NCALD: variants seen among roughly 807,000 people sequenced by gnomAD.
The protein encoded by NCALD is neurocalcin delta.
In NCALD, 10 loss-of-function variants were observed where a neutral mutation model predicts 18.6. The ratio of observed to expected loss-of-function variants is 0.54; its 90% CI spans 0.33 to 0.91. The LOEUF (loss-of-function observed/expected upper bound fraction) is 0.91. Among genes scored for constraint, NCALD ranks in the 40% least tolerant of loss-of-function variants. The pLI is 0.03. For synonymous variants in NCALD, 88 were observed against 87.4 expected, an observed-to-expected ratio of 1.01 and a Z score of -0.04; for missense variants, 184 against 247.6, an observed-to-expected ratio of 0.74 and a Z score of 1.72.
intron 1 of NCALD, among the ~76,000 whole-genome samples, chr8:102,071,924 C>G (rs1488192632): frequency 1.3e-5 from 2 of 152,026 alleles, no homozygotes; most frequent in Non-Finnish European, 2.9e-5. Context: ...CAACACAGTC[C>G]CAGTCAAAAC....
At chr8:101,935,783 CTTTTTT>C (rs35929551) in intron 2 of NCALD, among the ~76,000 whole-genome samples, 4 of 103,478 alleles carry the variant, frequency 3.9e-5, no homozygotes, top group Non-Finnish European at 6.1e-5. Flanking sequence ...TCAAGAGATT[CTTTTTT>C]TTTTTTTTTT....
At chr8:101,710,841 C>T (rs993754005) in intron 2 of NCALD, among the ~76,000 whole-genome samples, 1 of 152,244 alleles carries the variant, frequency 6.6e-6, no homozygotes, top group African/African-American at 2.4e-5. Context: ...GGTGCAGCTT[C>T]AGCAGACTTA....
chr8:102,049,175 C>T (rs1352385299), intron 1 of NCALD, among the ~76,000 whole-genome samples: 1 of 152,092 alleles, frequency 6.6e-6, no homozygotes, highest in Non-Finnish European at 1.5e-5. Flanking sequence ...TCCATAGGTC[C>T]GCATCTGCAG....
intron 1 of NCALD, among the ~76,000 whole-genome samples, chr8:101,760,866 A>G (rs1025495551): frequency 2.0e-5 from 3 of 152,168 alleles, no homozygotes; most frequent in Non-Finnish European, 4.4e-5. Flanking sequence ...CAAAGGCATC[A>G]TAGAGATAAA....
At position 101,917,522 on chromosome 8, in the gene NCALD, C is replaced by T. The variant is rs190793367; in HGVS notation, c.-156-1664G>A. Among the ~76,000 whole-genome samples the T allele has an allele frequency of 9.0e-4, 137 of 151,584 alleles. 1 individual carries two copies. Among genetic ancestry groups the T allele is most frequent in the African/African-American group, 3.1e-3 (127 of 41,402 alleles). On this transcript the variant is annotated intron_variant, in intron 2 of 6. Transcript: ENST00000311028. ...CAAAGTTGAGACCCAAAAATTCATA[C>T]GAAGAAGCAACAAAACTAAAAGTTG...
chr8:101,768,736 AG>A (rs1811460079), intron 1 of NCALD, among the ~76,000 whole-genome samples: 2 of 150,378 alleles, frequency 1.3e-5, no homozygotes, highest in African/African-American at 4.9e-5. Context: ...AAAAAAAAAA[AG>A]AAAGAAAGCA....
intron 1 of NCALD, among the ~76,000 whole-genome samples, chr8:102,047,432 T>C (rs1823285689): frequency 6.6e-6 from 1 of 152,156 alleles, no homozygotes; most frequent in Non-Finnish European, 1.5e-5. Context: ...GATGAAAAGG[T>C]TCTATATTTT....
chr8:102,005,174 A>T (rs1821650931), intron 2 of NCALD, among the ~76,000 whole-genome samples: 1 of 152,236 alleles, frequency 6.6e-6, no homozygotes, highest in Non-Finnish European at 1.5e-5. Context: ...GAACTCAAAC[A>T]AATTTACAAG....
chr8:101,831,982 G>C (rs1193883348), intron 4 of NCALD, among the ~76,000 whole-genome samples: 6 of 152,126 alleles, frequency 3.9e-5, no homozygotes, highest in Admixed American at 3.9e-4. Context: ...TTTGTGTTTT[G>C]CCAGTGCAGA....
chr8:101,879,473 T>G lies in NCALD; in HGVS notation c.-20+7668A>C, dbSNP rs557217751. Among the ~76,000 whole-genome samples the G allele has an allele frequency of 3.3e-5, 5 of 152,186 alleles. No homozygotes were observed. The East Asian group carries it at 7.7e-4, about 24-fold the overall frequency. ...AAAGTGAGGCTGCAGACCTTCACTG[T>G]GAGTGTTACAGCTCATAAAGACAGT... On this transcript the variant is annotated intron_variant, in intron 4 of 6. Coordinates refer to the NCALD transcript ENST00000311028.
chr8:101,904,030 C>T (rs1817527732), intron 3 of NCALD, among the ~76,000 whole-genome samples: 1 of 152,182 alleles, frequency 6.6e-6, no homozygotes, highest in Non-Finnish European at 1.5e-5. Context: ...GCATAAATGG[C>T]CCTGATCCTT....
chr8:102,092,122 TA>T (rs1270555727), intron 1 of NCALD, among the ~76,000 whole-genome samples: 1 of 152,092 alleles, frequency 6.6e-6, no homozygotes, highest in Non-Finnish European at 1.5e-5. Flanking sequence ...TGGATTGCAG[TA>T]AAAAAGCCGG....
At chr8:101,720,771 G>A (rs532244175) in intron 1 of NCALD, among the ~76,000 whole-genome samples, 7 of 152,316 alleles carry the variant, frequency 4.6e-5, no homozygotes, top group Non-Finnish European at 8.8e-5. Context: ...TTTTCTCAAT[G>A]TATAAAAAGT....
chr8:101,733,998 T>C (rs985541910), intron 1 of NCALD, among the ~76,000 whole-genome samples: 6 of 152,218 alleles, frequency 3.9e-5, no homozygotes, highest in Non-Finnish European at 8.8e-5. Context: ...CGAGCCCCGC[T>C]TGAGTGTCAC....
intron 1 of NCALD, among the ~76,000 whole-genome samples, chr8:102,026,171 CT>C (rs1822448497): frequency 6.6e-6 from 1 of 152,174 alleles, no homozygotes; most frequent in African/African-American, 2.4e-5. Context: ...CATTCTGCCC[CT>C]GGCCCTTCCC....
At chr8:102,059,459 C>T (rs62523001) in intron 1 of NCALD, among the ~76,000 whole-genome samples, 522 of 152,262 alleles carry the variant, frequency 3.4e-3, no homozygotes, top group South Asian at 7.2e-3. Flanking sequence ...GATATTTGAA[C>T]GAACAAATGG....
chr8:101,870,145 T>C (rs1815942608), intron 4 of NCALD, among the ~76,000 whole-genome samples: 1 of 152,254 alleles, frequency 6.6e-6, no homozygotes, highest in Admixed American at 6.5e-5. Context: ...TGTTGTGTTC[T>C]TTCCAACTCA....
At chr8:102,063,608 G>A (rs1220397211) in intron 1 of NCALD, among the ~76,000 whole-genome samples, 2 of 152,072 alleles carry the variant, frequency 1.3e-5, no homozygotes, top group African/African-American at 2.4e-5. Flanking sequence ...AGTCACAGTT[G>A]CCAACATGTC....
At chr8:101,826,295 A>C (rs1813934488) in intron 4 of NCALD, among the ~76,000 whole-genome samples, 1 of 152,220 alleles carries the variant, frequency 6.6e-6, no homozygotes, top group African/African-American at 2.4e-5. Context: ...CAAATTAGCA[A>C]AGAATCACTC....
Sources: gnomAD v4.1 joint callset for allele counts (sites outside exome capture counted in the v4.1 genomes callset) on GRCh38, gnomAD v4.1.1 for gene constraint, MANE v1.5 for transcripts, NCBI Gene and HGNC (gene_info 2026-07-23, HGNC 2026-07-21) for gene names.